The following TSPAN18 variants were observed in gnomAD, a reference collection of about 807,000 sequenced individuals.
The protein encoded by TSPAN18 is tetraspanin-18.
TSPAN18 carries 14 observed loss-of-function variants against 27.3 expected under a neutral mutation model. That is an observed-to-expected ratio of 0.51 (90% CI 0.34 to 0.80). The LOEUF (loss-of-function observed/expected upper bound fraction) is 0.80, where lower values mean the gene tolerates loss of function less well. Among genes scored for constraint, TSPAN18 ranks in the 30% least tolerant of loss-of-function variants. The pLI, the probability that TSPAN18 is intolerant of heterozygous loss-of-function variation, is 0.01. For missense variants in TSPAN18, 268 were observed against 323.9 expected (o/e 0.83, Z 1.32); for synonymous variants, 143 against 136.5 (o/e 1.05, Z -0.33).
chr11:44,750,568 C>T (rs1855187089), intron 1 of TSPAN18, among the ~76,000 whole-genome samples: 1 of 152,052 alleles, frequency 6.6e-6, no homozygotes, highest in African/African-American at 2.4e-5. Context: ...ACATCTCCCT[C>T]CACTTCCCAC....
chr11:44,796,488 G>A (rs1251796798), intron 2 of TSPAN18, among the ~76,000 whole-genome samples: 1 of 152,146 alleles, frequency 6.6e-6, no homozygotes, highest in African/African-American at 2.4e-5. Flanking sequence ...CATGGGGACT[G>A]GTGGAGTCAT....
At position 44,931,118 on chromosome 11, in the gene TSPAN18, G is replaced by C. The variant is rs836001; in HGVS notation, c.*1940G>C. The C allele has an allele frequency of 0.88, 327,091 of 369,738 alleles. 144,857 individuals carry two copies. The highest frequency in any genetic ancestry group is 0.93 in the Admixed American group (28,185 of 30,306). 22.9% of individuals were successfully genotyped at this position (369,738 alleles called of 1,614,324 possible). ...CTCCCACCAGGTCTCTGAGCTCAGT[G>C]TTACCAAATTCGCCCTTTAACAGCT... On this transcript the variant is annotated 3_prime_UTR_variant, in exon 10 of 10. Transcript: ENST00000520358.
At chr11:44,776,475 G>A (rs1033027436) in intron 2 of TSPAN18, among the ~76,000 whole-genome samples, 6 of 152,222 alleles carry the variant, frequency 3.9e-5, no homozygotes, top group African/African-American at 1.4e-4. Context: ...GGTTAAGGGT[G>A]AGGATGTGGG....
At chr11:44,859,081 A>T (rs1857810152) in intron 2 of TSPAN18, among the ~76,000 whole-genome samples, 1 of 151,978 alleles carries the variant, frequency 6.6e-6, no homozygotes, top group South Asian at 2.1e-4. Context: ...GTGCTTGGTG[A>T]TGGGGGGTAA....
intron 2 of TSPAN18, among the ~76,000 whole-genome samples, chr11:44,773,187 C>T (rs1855728379): frequency 2.0e-5 from 3 of 152,070 alleles, no homozygotes; most frequent in South Asian, 2.1e-4. Flanking sequence ...GAGGCCAAGG[C>T]AGGTGGATCA....
chr11:44,798,119 G>A (rs911854415), intron 2 of TSPAN18, among the ~76,000 whole-genome samples: 19 of 152,182 alleles, frequency 1.2e-4, no homozygotes, highest in African/African-American at 4.6e-4. Flanking sequence ...TGTGCTCAGT[G>A]GCTGGCCGTC....
intron 1 of TSPAN18, among the ~76,000 whole-genome samples, chr11:44,731,009 T>C (rs1184159358): frequency 6.6e-6 from 1 of 152,230 alleles, no homozygotes; most frequent in Non-Finnish European, 1.5e-5. Flanking sequence ...ATCTGGGTAC[T>C]TGTTGTCTTA....
intron 8 of TSPAN18, among the ~76,000 whole-genome samples, chr11:44,920,422 G>A (rs1860084583): frequency 6.6e-6 from 1 of 152,146 alleles, no homozygotes; most frequent in Non-Finnish European, 1.5e-5. Context: ...CCCTAAGGGA[G>A]CAAGGTCTCC....
chr11:44,886,279 A>T (rs2135271195), intron 3 of TSPAN18: 1 of 152,324 alleles, frequency 6.6e-6, no homozygotes, highest in East Asian at 1.9e-4. Context: ...ACAGGCTGAG[A>T]GCTGAGAAAG....
chr11:44,922,508 G>A (rs1351412233), intron 8 of TSPAN18, among the ~76,000 whole-genome samples: 1 of 152,166 alleles, frequency 6.6e-6, no homozygotes, highest in Non-Finnish European at 1.5e-5. Flanking sequence ...GGGGTGAGGT[G>A]TGCAGGGATG....
chr11:44,911,173 G>A (rs1859698006), intron 5 of TSPAN18, among the ~76,000 whole-genome samples: 1 of 152,224 alleles, frequency 6.6e-6, no homozygotes, highest in African/African-American at 2.4e-5. Flanking sequence ...GCGTGGGTGT[G>A]TCTGGGTAAG....
At position 44,906,030 on chromosome 11, in the gene TSPAN18, C is replaced by T. The variant is rs898854977; in HGVS notation, c.-10-377C>T. ...TGGCCAGCTCACACCTGCAGTAGAGCAACAACGTGAAGCGGGACTGCTGAG... is the reference window on the plus strand; with the variant it reads ...TGGCCAGCTCACACCTGCAGTAGAGTAACAACGTGAAGCGGGACTGCTGAG... On this transcript the variant is annotated intron_variant, in intron 3 of 9. Coordinates refer to ENST00000520358, the MANE Select transcript of TSPAN18 (RefSeq NM_130783.5). Among the ~76,000 whole-genome samples, 7 of 152,164 alleles carry T rather than the reference C, an allele frequency of 4.6e-5. No individual in the cohort carries two copies. In the East Asian group the frequency reaches 1.3e-3, roughly 29 times the overall value.
intron 2 of TSPAN18, among the ~76,000 whole-genome samples, chr11:44,838,360 C>T (rs769723059): frequency 1.3e-5 from 2 of 152,028 alleles, no homozygotes; most frequent in South Asian, 2.1e-4. Context: ...GAGAACAGCA[C>T]GGGAAAGACC....
At chr11:44,910,921 T>C (rs12273979) in intron 5 of TSPAN18, among the ~76,000 whole-genome samples, 6,340 of 152,242 alleles carry the variant, frequency 0.042, 496 homozygotes, top group African/African-American at 0.15. Context: ...AGAGCAGCCA[T>C]GTCTTCTTGT....
chr11:44,786,432 G>A (rs74623986), intron 2 of TSPAN18, among the ~76,000 whole-genome samples: 5 of 152,210 alleles, frequency 3.3e-5, no homozygotes, highest in South Asian at 2.1e-4. Context: ...GAAAGCTGGC[G>A]TTGGGTAGGT....
At chr11:44,820,485 G>C (rs1856904640) in intron 2 of TSPAN18, among the ~76,000 whole-genome samples, 2 of 152,244 alleles carry the variant, frequency 1.3e-5, no homozygotes, top group East Asian at 3.8e-4. Context: ...ACTGTGGGAG[G>C]TGCCACGTGG....
chr11:44,843,312 A>G (rs1261094416), intron 2 of TSPAN18, among the ~76,000 whole-genome samples: 1 of 152,216 alleles, frequency 6.6e-6, no homozygotes, highest in East Asian at 1.9e-4. Context: ...GATGCCCCAC[A>G]AGCCACAAAA....
At position 44,807,914 on chromosome 11, in the gene TSPAN18, G is replaced by A. The variant is rs143239542; in HGVS notation, c.-153+43402G>A. 1.5e-3 allele frequency among the ~76,000 whole-genome samples: 232 copies of A among 152,314 alleles called. 1 individual carries two copies. Among genetic ancestry groups the A allele is most frequent in the African/African-American group, 5.4e-3 (226 of 41,556 alleles). On this transcript the variant is annotated intron_variant, in intron 2 of 9. Coordinates refer to ENST00000520358, the MANE Select transcript of TSPAN18 (RefSeq NM_130783.5). The stretch of plus-strand genomic sequence containing the variant: ...GGGAAGACAGATGCACACCCCAGCT[G>A]CCCAAGGGTTACTCAAAGTAGAGGA...
At chr11:44,788,830 G>C (rs1856124160) in intron 2 of TSPAN18, among the ~76,000 whole-genome samples, 1 of 152,210 alleles carries the variant, frequency 6.6e-6, no homozygotes, top group African/African-American at 2.4e-5. Context: ...TGTACCTGAA[G>C]ATTAAGAGGA....
Sources: allele counts gnomAD v4.1 joint callset (sites outside exome capture counted in the v4.1 genomes callset), GRCh38; gene constraint gnomAD v4.1.1; transcripts MANE v1.5; gene names NCBI Gene and HGNC (gene_info 2026-07-23, HGNC 2026-07-21).